ZMPSTE24: variants seen among roughly 807,000 people sequenced by gnomAD.
ZMPSTE24 encodes the protein zinc metallopeptidase STE24.
ZMPSTE24 carries 48 observed loss-of-function variants against 56.7 expected under a neutral mutation model. That is an observed-to-expected ratio of 0.85 (90% CI 0.67 to 1.08). The LOEUF is 1.08. ZMPSTE24 is among the 50% of genes least tolerant of loss of function. The pLI, the probability that ZMPSTE24 is intolerant of heterozygous loss-of-function variation, is 0.00. For missense variants in ZMPSTE24, 503 were observed against 548.7 expected (o/e 0.92, Z 0.83); for synonymous variants, 172 against 195.2 (o/e 0.88, Z 0.99).
In ZMPSTE24 at chr1:40,293,429, GCTT is replaced by G. The variant is rs756136307; in HGVS notation, c.*766_*768del. The G allele has an allele frequency of 3.9e-5, 6 of 152,026 alleles. No homozygotes were observed. The highest frequency in any genetic ancestry group is 8.8e-5 in the Non-Finnish European group (6 of 68,004). 9.4% of individuals were successfully genotyped at this position (152,026 alleles called of 1,614,324 possible). A position where few individuals can be genotyped will look rare whatever the true frequency, so the allele number is the denominator to read the frequency against. On this transcript the variant is annotated 3_prime_UTR_variant, in exon 10 of 10. Coordinates refer to ENST00000372759, the MANE Select transcript of ZMPSTE24 (RefSeq NM_005857.5). The stretch of plus-strand genomic sequence containing the variant: ...ATGATCCCATTGGAGGTAAATTGTA[GCTT>G]CTTCTCATTCATGCAGTAAATAATA...
intron 8 of ZMPSTE24, 85 bp downstream of exon 8, chr1:40,286,114 C>A: frequency 8.5e-7 from 1 of 1,180,954 alleles, no homozygotes; most frequent in Non-Finnish European, 1.2e-6. Context: ...ATAAGAGAGG[C>A]CAAGGCAGAC....
chr1:40,288,045 G>C (rs1203114825), intron 8 of ZMPSTE24, among the ~76,000 whole-genome samples: 1 of 151,956 alleles, frequency 6.6e-6, no homozygotes, highest in African/African-American at 2.4e-5. Context: ...GGGCTTGGTG[G>C]TATGCACCTG....
intron 1 of ZMPSTE24, among the ~76,000 whole-genome samples, chr1:40,260,184 C>A (rs982692852): frequency 6.6e-6 from 1 of 151,614 alleles, no homozygotes; most frequent in East Asian, 1.9e-4. Context: ...CCTCAGCCCC[C>A]CAAATAGCTG....
intron 6 of ZMPSTE24, among the ~76,000 whole-genome samples, chr1:40,273,410 T>C (rs1643631453): frequency 6.7e-6 from 1 of 148,732 alleles, no homozygotes; most frequent in Admixed American, 6.7e-5. Context: ...CCCAGCTACT[T>C]GGGAGGCTGA....
chr1:40,259,543 C>G (rs1445283293), intron 1 of ZMPSTE24: 1 of 152,222 alleles, frequency 6.6e-6, no homozygotes, highest in African/African-American at 2.4e-5. Context: ...GCACGTGCCA[C>G]CACGCCCAGC....
At chr1:40,290,478 T>TTTTTTTTTA (rs1491501060) in intron 8 of ZMPSTE24, among the ~76,000 whole-genome samples, 1 of 126,684 alleles carries the variant, frequency 7.9e-6, no homozygotes, top group Non-Finnish European at 1.6e-5. Context: ...TTTTTTTTTT[T>TTTTTTTTTA]GAGATGGAGT....
intron 6 of ZMPSTE24, among the ~76,000 whole-genome samples, chr1:40,280,869 T>G (rs1643722403): frequency 6.6e-6 from 1 of 152,244 alleles, no homozygotes; most frequent in South Asian, 2.1e-4. Flanking sequence ...TAAGAATGTA[T>G]TCCAATATCA....
At chr1:40,270,656 C>T (rs528652167) in intron 5 of ZMPSTE24, among the ~76,000 whole-genome samples, 1 of 152,198 alleles carries the variant, frequency 6.6e-6, no homozygotes, top group East Asian at 1.9e-4. Flanking sequence ...CTTTCCTTCT[C>T]CTGTCTTCCC....
At chr1:40,283,939 CTT>C (rs754673107) in intron 7 of ZMPSTE24, among the ~76,000 whole-genome samples, 12 of 133,108 alleles carry the variant, frequency 9.0e-5, no homozygotes, top group Admixed American at 1.5e-4. Context: ...AACTTTCTTT[CTT>C]TTTTTTTTTT....
At chr1:40,264,644 G>A (rs925504854) in intron 2 of ZMPSTE24, among the ~76,000 whole-genome samples, 2 of 151,912 alleles carry the variant, frequency 1.3e-5, no homozygotes, top group Admixed American at 1.3e-4. Flanking sequence ...GAGAGGCTCA[G>A]GTGGGAGGAT....
chr1:40,275,752 C>CAAAAAAA (rs34281343), intron 6 of ZMPSTE24, among the ~76,000 whole-genome samples: 9 of 62,676 alleles, frequency 1.4e-4, no homozygotes, highest in South Asian at 5.6e-4. Context: ...GACCCTGTCT[C>CAAAAAAA]AAAAAAAAAA....
At chr1:40,266,766 T>TTG (rs1402179045) in intron 2 of ZMPSTE24, among the ~76,000 whole-genome samples, 1 of 139,746 alleles carries the variant, frequency 7.2e-6, no homozygotes, top group African/African-American at 2.7e-5. Flanking sequence ...AACAAGTTTT[T>TTG]TTTTTTTTTT....
At chr1:40,258,543 C>T in intron 1 of ZMPSTE24, 149 bp downstream of exon 1, 2 of 1,399,596 alleles carry the variant, frequency 1.4e-6, no homozygotes, top group Middle Eastern at 1.8e-4. Context: ...GGCCCGATGG[C>T]GGACTGTGGC....
chr1:40,276,542 T>G (rs1373263260), intron 6 of ZMPSTE24, among the ~76,000 whole-genome samples: 3 of 152,232 alleles, frequency 2.0e-5, no homozygotes, highest in African/African-American at 4.8e-5. Flanking sequence ...AAAATGGCAA[T>G]GCCTTACATT....
intron 7 of ZMPSTE24, among the ~76,000 whole-genome samples, 159 bp from the exon 8 acceptor site, chr1:40,285,766 G>A (rs562397505): frequency 2.0e-5 from 3 of 152,090 alleles, no homozygotes; most frequent in East Asian, 3.9e-4. Context: ...TGTCTCATGT[G>A]GAGCAGTGGT....
intron 7 of ZMPSTE24, among the ~76,000 whole-genome samples, chr1:40,281,860 A>G (rs1279687425): frequency 6.6e-6 from 1 of 152,068 alleles, no homozygotes; most frequent in African/African-American, 2.4e-5. Flanking sequence ...TGTGTTTATG[A>G]TCAAAGAATT....
In ZMPSTE24 at chr1:40,276,177, A is replaced by G. The variant is rs561082479; in HGVS notation, c.769+4142A>G. Among the ~76,000 whole-genome samples the G allele has an allele frequency of 5.1e-4, 78 of 152,364 alleles. No homozygotes were observed. In the Middle Eastern group the frequency reaches 0.017, roughly 33 times the overall value. ...TGGACAAGAAAAAAGACTACACACAAGAATACAAACAACAAATAAGTCTAT... is the reference window on the plus strand; with the variant it reads ...TGGACAAGAAAAAAGACTACACACAGGAATACAAACAACAAATAAGTCTAT... On this transcript the variant is annotated intron_variant, in intron 6 of 9. Transcript: ENST00000372759.
intron 2 of ZMPSTE24, among the ~76,000 whole-genome samples, chr1:40,265,821 CTT>C (rs949723565): frequency 1.8e-4 from 27 of 152,346 alleles, no homozygotes; most frequent in African/African-American, 6.0e-4. Flanking sequence ...GGGCCTGAGA[CTT>C]TGCATTTCTA....
At chr1:40,260,147 G>A (rs545963706) in intron 1 of ZMPSTE24, among the ~76,000 whole-genome samples, 4 of 136,380 alleles carry the variant, frequency 2.9e-5, no homozygotes, top group Admixed American at 1.7e-4. Context: ...TGCAACCTCT[G>A]CCTCCCAGGC....
Sources: allele counts gnomAD v4.1 joint callset (sites outside exome capture counted in the v4.1 genomes callset), GRCh38; gene constraint gnomAD v4.1.1; transcripts MANE v1.5; gene names NCBI Gene and HGNC (gene_info 2026-07-23, HGNC 2026-07-21).